The following MBD5 variants were observed in gnomAD, a reference collection of about 807,000 sequenced individuals.
MBD5 encodes the protein methyl-CpG binding domain protein 5.
In MBD5, 13 loss-of-function variants were observed where a neutral mutation model predicts 117.3. The ratio of observed to expected loss-of-function variants is 0.11; its 90% confidence interval spans 0.07 to 0.18. The LOEUF (loss-of-function observed/expected upper bound fraction) is 0.18, where lower values mean the gene tolerates loss of function less well. MBD5 is among the 10% of genes least tolerant of loss of function. The pLI is 1.00. For synonymous variants in MBD5, 727 were observed against 766.4 expected (o/e 0.95, Z 0.85); for missense variants, 1,879 against 2,093.8 (o/e 0.90, Z 2.00).
At chr2:148,422,567 A>T in intron 4 of MBD5, among the ~76,000 whole-genome samples, 1 of 152,168 alleles carries the variant, frequency 6.6e-6, no homozygotes, top group East Asian at 1.9e-4. Flanking sequence ...AGGGAACAGA[A>T]CTGGACAGAG....
At chr2:148,231,534 C>G (rs761784018) in intron 2 of MBD5, among the ~76,000 whole-genome samples, 32 of 139,846 alleles carry the variant, frequency 2.3e-4, no homozygotes, top group Non-Finnish European at 4.7e-4. Context: ...ATTTTTGAGT[C>G]TTATGAAGGT....
chr2:148,155,264 C>T (rs780899227), intron 1 of MBD5, among the ~76,000 whole-genome samples: 24 of 152,040 alleles, frequency 1.6e-4, no homozygotes, highest in Non-Finnish European at 3.5e-4. Flanking sequence ...GATCAAGTCA[C>T]GTGGGTACCT....
At chr2:148,334,316 T>G (rs935695642) in intron 3 of MBD5, among the ~76,000 whole-genome samples, 2 of 152,036 alleles carry the variant, frequency 1.3e-5, no homozygotes, top group African/African-American at 4.8e-5. Context: ...TCATCTCTCA[T>G]TCTCCTTTTT....
chr2:148,465,376 T>G (rs1300047564), intron 7 of MBD5, among the ~76,000 whole-genome samples: 13 of 152,176 alleles, frequency 8.5e-5, no homozygotes, highest in Non-Finnish European at 1.9e-4. Context: ...GAACTTCTTT[T>G]TGTAAGGGAT....
intron 8 of MBD5, chr2:148,471,868 T>C (rs745636769): frequency 1.6e-4 from 24 of 152,128 alleles, no homozygotes; most frequent in Non-Finnish European, 2.9e-4. Flanking sequence ...CATATTTCTT[T>C]TTAGATAACT....
chr2:148,302,756 G>A (rs944301683), intron 3 of MBD5, among the ~76,000 whole-genome samples: 2 of 151,410 alleles, frequency 1.3e-5, no homozygotes, highest in Non-Finnish European at 2.9e-5. Flanking sequence ...TCAGCCTTCC[G>A]AGTAGCTGGC....
chr2:148,374,338 G>A (rs2105383683), intron 4 of MBD5, among the ~76,000 whole-genome samples: 1 of 152,020 alleles, frequency 6.6e-6, no homozygotes, highest in South Asian at 2.1e-4. Flanking sequence ...AATTCTGAAT[G>A]TATATGTAGA....
intron 9 of MBD5, chr2:148,485,529 G>A (rs927160009): frequency 1.8e-5 from 10 of 552,074 alleles, no homozygotes; most frequent in African/African-American, 1.3e-4. Context: ...TTTCCATGAT[G>A]TAAAATTAAA....
chr2:148,087,343 C>T (rs115541315), intron 1 of MBD5, among the ~76,000 whole-genome samples: 4,008 of 152,292 alleles, frequency 0.026, 102 homozygotes, highest in African/African-American at 0.068. Flanking sequence ...AATTCTGCTG[C>T]CTGCAACATC....
At chr2:148,477,139 A>AG (rs1160254962) in intron 8 of MBD5, among the ~76,000 whole-genome samples, 1 of 152,096 alleles carries the variant, frequency 6.6e-6, no homozygotes, top group African/African-American at 2.4e-5. Flanking sequence ...AGAAAAAAAA[A>AG]CAAACTCTTT....
At chr2:148,022,176 G>C (rs779263244) in intron 1 of MBD5, among the ~76,000 whole-genome samples, 46 of 152,108 alleles carry the variant, frequency 3.0e-4, no homozygotes, top group Admixed American at 5.2e-4. Context: ...TCCCCTTTTT[G>C]GTCCTGTATG....
Position 148,515,328 on chromosome 2 carries a change from T to G in MBD5, c.*2387T>G, listed in dbSNP as rs1013361792. On this transcript the variant is annotated 3_prime_UTR_variant, in exon 14 of 14. Transcript: ENST00000642680. ...TTGTATACTTTACATAAGTAGACCA[T>G]GTAAAGTATGTTTGTGCCCATGATT... The G allele has an allele frequency of 1.3e-5, 2 of 152,226 alleles. No individual in the cohort carries two copies. Among genetic ancestry groups the G allele is most frequent in the African/African-American group, 4.8e-5 (2 of 41,460 alleles). 9.4% of individuals were successfully genotyped at this position (152,226 alleles called of 1,614,324 possible).
At chr2:148,282,804 T>C (rs930618236) in intron 3 of MBD5, among the ~76,000 whole-genome samples, 2 of 151,894 alleles carry the variant, frequency 1.3e-5, no homozygotes, top group African/African-American at 2.4e-5. Context: ...CCCCACACTG[T>C]ATTTCTGTAC....
At position 148,288,648 on chromosome 2, in the gene MBD5, G is replaced by A. The variant is rs982223154; in HGVS notation, c.-679-53566G>A. Among the ~76,000 whole-genome samples, 7 of 151,822 alleles carry A rather than the reference G, an allele frequency of 4.6e-5. No individual in the cohort carries two copies. In the East Asian group the frequency reaches 5.8e-4, roughly 13 times the overall value. ...CCAAGGGAAAAAAGCCCTGATGATC[G>A]GACTAGGTGAACCATAGGCGCAATT... is the stretch of plus-strand genomic sequence containing the variant. On this transcript the variant is annotated intron_variant, in intron 3 of 13. Transcript: ENST00000642680.
At chr2:148,388,856 T>C (rs1409879802) in intron 4 of MBD5, among the ~76,000 whole-genome samples, 1 of 152,068 alleles carries the variant, frequency 6.6e-6, no homozygotes, top group East Asian at 1.9e-4. Flanking sequence ...ATTATTATAA[T>C]TTCAGGGGAT....
At chr2:148,349,880 A>G (rs1011092303) in intron 4 of MBD5, among the ~76,000 whole-genome samples, 2 of 152,016 alleles carry the variant, frequency 1.3e-5, no homozygotes, top group Admixed American at 6.6e-5. Flanking sequence ...TGGGGTTACA[A>G]TTTTCACATG....
chr2:148,493,746 T>G (rs943707134), intron 11 of MBD5, among the ~76,000 whole-genome samples: 1 of 152,214 alleles, frequency 6.6e-6, no homozygotes, highest in Non-Finnish European at 1.5e-5. Context: ...TGTAGCAGAT[T>G]ATTGATATGC....
intron 1 of MBD5, among the ~76,000 whole-genome samples, chr2:148,140,098 A>T (rs961027081): frequency 2.0e-5 from 3 of 152,236 alleles, no homozygotes; most frequent in Non-Finnish European, 4.4e-5. Flanking sequence ...GAGAAATTAA[A>T]GGATTTCTCT....
chr2:148,417,686 A>G (rs1301093561), intron 4 of MBD5, among the ~76,000 whole-genome samples: 1 of 151,970 alleles, frequency 6.6e-6, no homozygotes, highest in Non-Finnish European at 1.5e-5. Flanking sequence ...TTGTGACTGT[A>G]ATTTGCATTT....
Sources: gnomAD v4.1 joint callset for allele counts (sites outside exome capture counted in the v4.1 genomes callset) on GRCh38, gnomAD v4.1.1 for gene constraint, MANE v1.5 for transcripts, NCBI Gene and HGNC (gene_info 2026-07-23, HGNC 2026-07-21) for gene names.